Variants in PRH1 observed in about 807,000 individuals in gnomAD.
The protein encoded by PRH1 is salivary acidic proline-rich phosphoprotein 1/2.
Under a neutral mutation model 7.9 loss-of-function variants are expected in PRH1, and 7 were observed. That is an observed-to-expected ratio of 0.89 (90% CI 0.50 to 1.67). The LOEUF (loss-of-function observed/expected upper bound fraction) is 1.67. Among genes scored for constraint, PRH1 ranks in the 40% most tolerant of loss-of-function variants. The pLI, the probability that PRH1 is intolerant of heterozygous loss-of-function variation, is 0.00. For synonymous variants in PRH1, 45 were observed against 80.8 expected (o/e 0.56, Z 2.38); for missense variants, 109 against 223.6 (o/e 0.49, Z 3.27).
intron 1 of PRH1, among the ~76,000 whole-genome samples, chr12:11,093,841 G>A (rs1217440513): frequency 8.8e-6 from 1 of 113,214 alleles, no homozygotes; most frequent in African/African-American, 3.0e-5. Context: ...TTCCATACTG[G>A]GGATTCTTCC....
At chr12:11,141,767 G>A (rs1328027822) in intron 1 of PRH1, among the ~76,000 whole-genome samples, 2 of 152,096 alleles carry the variant, frequency 1.3e-5, no homozygotes, top group Non-Finnish European at 2.9e-5. Flanking sequence ...ATACATAAAA[G>A]ATACCAGTGA....
intron 2 of PRH1, among the ~76,000 whole-genome samples, chr12:10,925,850 C>A (rs1275196702): frequency 6.6e-6 from 1 of 152,096 alleles, no homozygotes; most frequent in Non-Finnish European, 1.5e-5. Flanking sequence ...GTACTGACTG[C>A]CTTCTATTCC....
rs568631687 is a variant in PRH1 at position 10,925,770 on chromosome 12, C to T, written c.-58-41495G>A. 5.9e-5 allele frequency among the ~76,000 whole-genome samples: 9 copies of T among 152,268 alleles called. No individual in the cohort carries two copies. The South Asian group carries it at 1.9e-3, about 32-fold the overall frequency. On this transcript the variant is annotated intron_variant, in intron 2 of 3. Transcript: ENST00000539853. ...TTATGTTTCTTTTCTGAACCTCATT[C>T]CTTCTCATATTGTAATAATGAAATG...
chr12:10,908,622 ACCTTGGTCCTGGGGT>A, intron 2 of PRH1: 1 of 1,614,052 alleles, frequency 6.2e-7, no homozygotes, highest in East Asian at 2.2e-5. Context: ...ATTTGTATGG[ACCTTGGTCCTGGGGT>A]CTCTGTGTCC....
At chr12:11,134,469 C>T in intron 1 of PRH1, 1 of 552,556 alleles carries the variant, frequency 1.8e-6, no homozygotes, top group Non-Finnish European at 3.0e-6. Context: ...ATTTTCAAAA[C>T]AATTCAAATT....
intron 1 of PRH1, among the ~76,000 whole-genome samples, chr12:11,153,695 A>G (rs1947170241): frequency 6.6e-6 from 1 of 152,170 alleles, no homozygotes; most frequent in South Asian, 2.1e-4. Flanking sequence ...GTTTAAATAT[A>G]TGATAACACT....
At chr12:10,939,205 C>T in intron 2 of PRH1, 2 of 1,545,198 alleles carry the variant, frequency 1.3e-6, no homozygotes, top group South Asian at 1.2e-5. Context: ...TGACACCACC[C>T]ATTGCCTGTA....
Position 11,097,617 on chromosome 12 carries a change from AC to A in PRH1, n.124-50430del, listed in dbSNP as rs901921600. Among the ~76,000 whole-genome samples, 6 of 114,338 alleles carry A rather than the reference AC, an allele frequency of 5.2e-5. 2 individuals carry two copies. Among genetic ancestry groups the A allele is most frequent in the African/African-American group, 1.7e-4 (6 of 34,316 alleles). 75.0% of individuals were successfully genotyped at this position (114,338 alleles called of 152,430 possible). On this transcript the variant is annotated intron_variant and non_coding_transcript_variant, in intron 1 of 4. Transcript: ENST00000541977. ...CTAAATGTATTGGAGCTTGACTTGA[AC>A]TTTGCTGTTTACTATTGTAACTTTC...
intron 2 of PRH1, among the ~76,000 whole-genome samples, chr12:10,889,752 T>A (rs1050676733): frequency 6.6e-6 from 1 of 152,174 alleles, no homozygotes. Context: ...TGATCCAACC[T>A]CAAGAACACT....
chr12:11,013,059 C>G (rs901110271), intron 1 of PRH1, among the ~76,000 whole-genome samples: 3 of 152,106 alleles, frequency 2.0e-5, no homozygotes. Context: ...TCAGTGCAAT[C>G]CCTATCAAAT....
chr12:11,063,825 C>T (rs1943705395), intron 1 of PRH1, among the ~76,000 whole-genome samples: 2 of 151,970 alleles, frequency 1.3e-5, no homozygotes, highest in South Asian at 2.1e-4. Context: ...AATTTCCTCA[C>T]GTTGCAACTA....
chr12:10,974,605 G>C (rs1369120231), intron 1 of PRH1, among the ~76,000 whole-genome samples: 1 of 151,890 alleles, frequency 6.6e-6, no homozygotes, highest in Non-Finnish European at 1.5e-5. Flanking sequence ...ACCCCCAAGG[G>C]TATCAAAGAA....
chr12:11,105,615 A>G lies in PRH1; in HGVS notation n.124-58427T>C, dbSNP rs189787357. On this transcript the variant is annotated intron_variant and non_coding_transcript_variant, in intron 1 of 4. Coordinates refer to the PRH1 transcript ENST00000541977. Reference sequence around the variant, plus strand: ...AGTGAAAAGTGATTTCTCATCTACTAGCATGCCAATGAAGAGTTTTTTAAT... The same window carrying G: ...AGTGAAAAGTGATTTCTCATCTACTGGCATGCCAATGAAGAGTTTTTTAAT... Among the ~76,000 whole-genome samples, 9 of 152,346 alleles carry G rather than the reference A, an allele frequency of 5.9e-5. 1 individual carries two copies. In the East Asian group the frequency reaches 9.6e-4, roughly 16 times the overall value.
intron 1 of PRH1, among the ~76,000 whole-genome samples, chr12:11,088,726 G>C (rs1264851074): frequency 8.8e-6 from 1 of 114,192 alleles, no homozygotes; most frequent in African/African-American, 2.9e-5. Context: ...CAGAACAAAA[G>C]TGGGCTCTAC....
intron 1 of PRH1, among the ~76,000 whole-genome samples, chr12:11,013,882 CTAT>C (rs1431892347): frequency 0.035 from 4,074 of 116,216 alleles, no homozygotes; most frequent in East Asian, 0.18. Context: ...GTGGACACCA[CTAT>C]ACCTGGCTAA....
chr12:11,014,674 G>C (rs547982743), intron 1 of PRH1, among the ~76,000 whole-genome samples: 4 of 152,278 alleles, frequency 2.6e-5, no homozygotes, highest in South Asian at 2.1e-4. Context: ...TTGAAGGAAA[G>C]TGTAAGTCCC....
intron 1 of PRH1, among the ~76,000 whole-genome samples, chr12:11,020,753 G>GT (rs921230883): frequency 1.9e-4 from 19 of 97,816 alleles, no homozygotes; most frequent in African/African-American, 5.2e-4. Context: ...TGATTGGCCT[G>GT]TTTTTTTAAG....
At chr12:10,988,285 G>A (rs1421314565) in intron 1 of PRH1, among the ~76,000 whole-genome samples, 1 of 152,132 alleles carries the variant, frequency 6.6e-6, no homozygotes, top group African/African-American at 2.4e-5. Flanking sequence ...GCTACACCAA[G>A]AGTGTGGGGA....
chr12:11,146,232 C>T (rs1404883743), intron 1 of PRH1, among the ~76,000 whole-genome samples: 1 of 151,268 alleles, frequency 6.6e-6, no homozygotes, highest in African/African-American at 2.4e-5. Context: ...TTCTTTCAGT[C>T]TTTTTCTAGT....
Sources: allele counts gnomAD v4.1 joint callset (sites outside exome capture counted in the v4.1 genomes callset), GRCh38; gene constraint gnomAD v4.1.1; transcripts MANE v1.5; gene names NCBI Gene and HGNC (gene_info 2026-07-23, HGNC 2026-07-21).